The following PKD2L1 variants were observed in gnomAD, a reference collection of about 807,000 sequenced individuals.
The protein encoded by PKD2L1 is polycystin 2 like 1, transient receptor potential cation channel.
Under a neutral mutation model 93.0 loss-of-function variants are expected in PKD2L1, and 77 were observed. The observed-to-expected ratio is 0.83, with a 90% CI of 0.69 to 1.00. PKD2L1 has a LOEUF of 1.00. PKD2L1 is among the 50% of genes least tolerant of loss of function. PKD2L1 has a pLI of 0.00. For synonymous variants in PKD2L1, 390 were observed against 388.0 expected (o/e 1.01, Z -0.06); for missense variants, 977 against 990.9 (o/e 0.99, Z 0.19).
At position 100,329,210 on chromosome 10, in the gene PKD2L1, C is replaced by T. The variant is rs556490027; in HGVS notation, c.349+1G>A. On this transcript the variant is annotated splice_donor_variant, in intron 2 of 15. Transcript: ENST00000318222. LOFTEE classifies it high-confidence loss of function. ...TGTACACAAACACAGATGCTACTCA[C>T]GTAGACAGATGTCCACCAGGAACAC... The T allele has an allele frequency of 4.3e-5, 69 of 1,613,892 alleles. No homozygotes were observed. Among genetic ancestry groups the T allele is most frequent in the East Asian group, 2.0e-4 (9 of 44,884 alleles).
At chr10:100,305,591 G>T (rs1047462447) in intron 2 of PKD2L1, among the ~76,000 whole-genome samples, 3 of 152,256 alleles carry the variant, frequency 2.0e-5, no homozygotes, top group Admixed American at 2.0e-4. Flanking sequence ...GAGAAATAAA[G>T]CCAGTCCTTG....
At chr10:100,309,725 A>G (rs1848888112) in intron 2 of PKD2L1, among the ~76,000 whole-genome samples, 1 of 152,188 alleles carries the variant, frequency 6.6e-6, no homozygotes, top group Admixed American at 6.6e-5. Flanking sequence ...AGATTTCTGG[A>G]ACCTTTGGTG....
In PKD2L1 at chr10:100,329,951, C is replaced by T; in HGVS notation, c.153G>A (p.Lys51=). 6.2e-7 allele frequency: 1 copy of T among 1,614,096 alleles called. No individual in the cohort carries two copies. Among genetic ancestry groups the T allele is most frequent in the Non-Finnish European group, 8.5e-7 (1 of 1,179,966 alleles). The change falls in exon 1 of 16, where the codon AAG becomes AAA. Residue 51 remains lysine (K), a synonymous_variant. Transcript: ENST00000318222. The part of the protein sequence containing the change: ...SSTGPLQPQP[K]KPEDEPQETA... ...TCTCCTGGGGTTCATCTTCAGGCTTCTTGGGTTGGGGCTGGAGAGGCCCCG... is the reference window on the plus strand; with the variant it reads ...TCTCCTGGGGTTCATCTTCAGGCTTTTTGGGTTGGGGCTGGAGAGGCCCCG...
At position 100,329,934 on chromosome 10, in the gene PKD2L1, G is replaced by A; in HGVS notation, c.170C>T (p.Pro57Leu). 1 of 1,614,040 alleles carries A rather than the reference G, an allele frequency of 6.2e-7. No homozygotes were observed. The highest frequency in any genetic ancestry group is 8.5e-7 in the Non-Finnish European group (1 of 1,179,940). Residue 57 changes from proline to leucine, a missense_variant, in exon 1 of 16, where the codon CCC (proline) becomes CTC (leucine). Pro to Leu is a moderately conservative substitution (Grantham distance 98). Coordinates refer to ENST00000318222, the MANE Select transcript of PKD2L1 (RefSeq NM_016112.3). ...CTGGGTCCTGTATGCCGTCTCCTGGGGTTCATCTTCAGGCTTCTTGGGTTG... is the reference window on the plus strand; with the variant it reads ...CTGGGTCCTGTATGCCGTCTCCTGGAGTTCATCTTCAGGCTTCTTGGGTTG... ...QPQPKKPEDE[P>L]QETAYRTQVS...
At chr10:100,299,431 C>G (rs1383820104) in intron 3 of PKD2L1, among the ~76,000 whole-genome samples, 160 bp downstream of exon 3, 4 of 152,234 alleles carry the variant, frequency 2.6e-5, no homozygotes, top group Admixed American at 2.6e-4. Context: ...CCCACCTCCA[C>G]CTGAACTCTA....
intron 4 of PKD2L1, among the ~76,000 whole-genome samples, 171 bp downstream of exon 4, chr10:100,298,391 C>T (rs1181909180): frequency 1.3e-5 from 2 of 152,146 alleles, no homozygotes; most frequent in Admixed American, 1.3e-4. Context: ...CTGAGTGACA[C>T]AGACCAAGGT....
intron 7 of PKD2L1, among the ~76,000 whole-genome samples, chr10:100,295,327 C>A (rs1848504556): frequency 6.7e-6 from 1 of 150,034 alleles, no homozygotes; most frequent in South Asian, 2.1e-4. Context: ...GAGGCTGAGG[C>A]AGAGAATCAC....
At chr10:100,304,060 G>A (rs1266378485) in intron 2 of PKD2L1, among the ~76,000 whole-genome samples, 2 of 152,186 alleles carry the variant, frequency 1.3e-5, no homozygotes, top group Non-Finnish European at 2.9e-5. Context: ...TGAGAAAAAT[G>A]GCTTGACCTG....
intron 3 of PKD2L1, among the ~76,000 whole-genome samples, 188 bp from the exon 4 acceptor site, chr10:100,299,003 A>G (rs1490814624): frequency 6.6e-6 from 1 of 150,394 alleles, no homozygotes; most frequent in East Asian, 1.9e-4. Context: ...GCTGGAGTGC[A>G]GTGACACAAT....
intron 2 of PKD2L1, among the ~76,000 whole-genome samples, chr10:100,328,588 A>ACT (rs1479874796): frequency 3.4e-5 from 2 of 59,202 alleles, no homozygotes; most frequent in African/African-American, 5.2e-5. Flanking sequence ...GTGGTTTTCC[A>ACT]CTCTTTTTTT....
Position 100,291,204 on chromosome 10 carries a change from G to A in PKD2L1, c.2007+97C>T, listed in dbSNP as rs1589658753. ...CTAGAGAGTTCTTTACTATCTATGGGAGAGTTTTCAGGTGGGTTTGTGTTC... is the reference window on the plus strand; with the variant it reads ...CTAGAGAGTTCTTTACTATCTATGGAAGAGTTTTCAGGTGGGTTTGTGTTC... On this transcript the variant is annotated intron_variant, in intron 12 of 15. Transcript: ENST00000318222. The A allele has an allele frequency of 1.3e-5, 16 of 1,259,106 alleles. No homozygotes were observed. The East Asian group carries it at 2.6e-4, about 20-fold the overall frequency. 78.0% of individuals were successfully genotyped at this position (1,259,106 alleles called of 1,614,324 possible).
rs767917075 is a variant in PKD2L1 at position 100,288,948 on chromosome 10, G to C, written c.2335+24C>G. The C allele has an allele frequency of 1.5e-5, 22 of 1,513,516 alleles. No homozygotes were observed. In the South Asian group the frequency reaches 2.4e-4, roughly 17 times the overall value. The allele number at this position is 1,513,516 out of a possible 1,614,324, so 93.8% of individuals were successfully genotyped here. On this transcript the variant is annotated intron_variant, in intron 15 of 15. Transcript: ENST00000318222. ...GCAGAGGGAGGGAAGCCTGCTGTCTGATGCTTTAGGCCCCCTTCCTCACCA... is the reference window on the plus strand; with the variant it reads ...GCAGAGGGAGGGAAGCCTGCTGTCTCATGCTTTAGGCCCCCTTCCTCACCA...
At chr10:100,329,356 T>A (rs745395189) in intron 1 of PKD2L1, 32 bp from the exon 2 acceptor site, 31 of 1,613,858 alleles carry the variant, frequency 1.9e-5, no homozygotes, top group Non-Finnish European at 2.5e-5. Context: ...CCTGGGATGC[T>A]CAGTGGCAGT....
intron 2 of PKD2L1, among the ~76,000 whole-genome samples, chr10:100,306,878 G>GAAAAAAAAAAA (rs1848815611): frequency 1.2e-5 from 1 of 80,706 alleles, no homozygotes; most frequent in African/African-American, 5.4e-5. Flanking sequence ...AAAAAAGAAA[G>GAAAAAAAAAAA]AGAGAGAAAG....
chr10:100,297,491 C>A lies in PKD2L1; in HGVS notation c.847G>T (p.Glu283Ter). The part of the protein sequence containing the change: ...DLPGSRQGSA[E>*]ALRALQEGLW... The stretch of plus-strand genomic sequence containing the variant: ...CCCTCCTGAAGGGCCCGGAGAGCCT[C>A]TGCACTACCCTGTCGGGATCCTGGA... The change falls in exon 5 of 16, where the codon GAG becomes TAG. Residue 283 changes from glutamate (E) to a stop codon, truncating the protein, a stop_gained. Transcript: ENST00000318222. LOFTEE classifies it high-confidence loss of function. 6.2e-7 allele frequency: 1 copy of A among 1,614,210 alleles called. No homozygotes were observed. Among genetic ancestry groups the A allele is most frequent in the Non-Finnish European group, 8.5e-7 (1 of 1,180,034 alleles).
intron 12 of PKD2L1, 125 bp downstream of exon 12, chr10:100,291,176 A>G: frequency 1.0e-6 from 1 of 1,002,424 alleles, no homozygotes; most frequent in Admixed American, 2.3e-5. Flanking sequence ...GGGAACTACT[A>G]TTCTAGAGAG....
intron 2 of PKD2L1, among the ~76,000 whole-genome samples, chr10:100,326,147 G>A (rs563311660): frequency 2.6e-5 from 4 of 152,252 alleles, no homozygotes; most frequent in African/African-American, 9.6e-5. Context: ...TTATACTTCT[G>A]CCCTCTCCTC....
At chr10:100,312,421 G>T (rs1445817486) in intron 2 of PKD2L1, among the ~76,000 whole-genome samples, 2 of 152,146 alleles carry the variant, frequency 1.3e-5, no homozygotes, top group African/African-American at 2.4e-5. Context: ...GACTGATGAT[G>T]ATTATTCTGG....
At chr10:100,290,668 T>C in intron 12 of PKD2L1, 149 bp from the exon 13 acceptor site, 2 of 607,952 alleles carry the variant, frequency 3.3e-6, no homozygotes, top group Non-Finnish European at 5.8e-6. Flanking sequence ...CTGGAGACAA[T>C]AGGGTCAGGG....
Sources: allele counts gnomAD v4.1 joint callset (sites outside exome capture counted in the v4.1 genomes callset), GRCh38; gene constraint gnomAD v4.1.1; transcripts MANE v1.5; gene names NCBI Gene and HGNC (gene_info 2026-07-23, HGNC 2026-07-21).